NBDY: variants seen among roughly 807,000 people sequenced by gnomAD.
The protein encoded by NBDY is negative regulator of P-body association, also known as P-body dissociating protein.
chrX:56,793,260 C>A (rs1156872903), intron 2 of NBDY, among the ~76,000 whole-genome samples: 4 of 112,221 alleles, frequency 3.6e-5, no homozygotes, highest in Non-Finnish European at 7.5e-5. Flanking sequence ...CCCTGTGATC[C>A]CAGTCCTCCT....
chrX:56,811,036 C>T (rs1271042249), intron 2 of NBDY: 2 of 113,600 alleles, frequency 1.8e-5, no homozygotes, highest in Non-Finnish European at 3.7e-5. Context: ...TGGAGTTTTG[C>T]TGGAGGTCCA....
intron 2 of NBDY, among the ~76,000 whole-genome samples, chrX:56,736,438 G>A (rs1017167336): frequency 3.6e-5 from 4 of 110,120 alleles, no homozygotes; most frequent in Non-Finnish European, 5.7e-5. Flanking sequence ...CCAATTTTCC[G>A]CATCCCTAGT....
intron 2 of NBDY, among the ~76,000 whole-genome samples, chrX:56,789,370 G>A (rs1428622123): frequency 8.9e-6 from 1 of 111,882 alleles, no homozygotes; most frequent in Admixed American, 9.4e-5. Flanking sequence ...TGTACTGGGG[G>A]CAGTATGATG....
intron 2 of NBDY, among the ~76,000 whole-genome samples, chrX:56,764,246 C>G (rs1335291142): frequency 8.9e-6 from 1 of 112,510 alleles, no homozygotes; most frequent in Admixed American, 9.3e-5. Context: ...TCGGGGCCCC[C>G]TTGCCAACAC....
chrX:56,808,921 A>G (rs190286772), intron 2 of NBDY, among the ~76,000 whole-genome samples: 1 of 112,609 alleles, frequency 8.9e-6, no homozygotes, highest in African/African-American at 3.2e-5. Context: ...CCCTCTCCAC[A>G]CTGCTTTAAA....
intron 2 of NBDY, among the ~76,000 whole-genome samples, chrX:56,797,785 C>A: frequency 9.0e-6 from 1 of 111,526 alleles, no homozygotes; most frequent in African/African-American, 3.3e-5. Flanking sequence ...CTCACTCACA[C>A]AAGCAGGAAC....
rs187029176 is a variant in NBDY, at chrX:56,747,327, C to A, written c.*166+15128C>A. On this transcript the variant is annotated intron_variant, in intron 2 of 2. Coordinates refer to ENST00000374922, the MANE Select transcript of NBDY (RefSeq NM_001348129.2). The stretch of plus-strand genomic sequence containing the variant: ...AAGAGAATACAAGAAGGCACATGAG[C>A]AAGACTAGAAGAGCCAGGAATGGCC... Among the ~76,000 whole-genome samples the A allele has an allele frequency of 2.6e-3, 294 of 111,778 alleles. 1 individual carries two copies. The highest frequency in any genetic ancestry group is 9.3e-3 in the Middle Eastern group (2 of 215).
chrX:56,799,432 G>A (rs1461528112), intron 2 of NBDY, among the ~76,000 whole-genome samples: 2 of 113,323 alleles, frequency 1.8e-5, no homozygotes, highest in Admixed American at 9.2e-5. Context: ...CGCCCACTGG[G>A]CTGACTGGTC....
At chrX:56,811,971 T>C (rs987014584) in intron 2 of NBDY, among the ~76,000 whole-genome samples, 1 of 111,134 alleles carries the variant, frequency 9.0e-6, no homozygotes, top group Non-Finnish European at 1.9e-5. Flanking sequence ...GTGCATGGTA[T>C]AGTCCCTAAT....
chrX:56,765,832 T>TTTTTGC (rs1222687458), intron 2 of NBDY, among the ~76,000 whole-genome samples: 2 of 110,601 alleles, frequency 1.8e-5, no homozygotes, highest in Non-Finnish European at 3.8e-5. Context: ...TCTTTTTCTT[T>TTTTTGC]TTTTGCTTTT....
chrX:56,796,383 T>C (rs942689639), intron 2 of NBDY, among the ~76,000 whole-genome samples: 28 of 112,626 alleles, frequency 2.5e-4, no homozygotes, highest in African/African-American at 7.7e-4. Context: ...TGTGTAGTTT[T>C]GGAGGTTTTC....
chrX:56,746,186 A>G (rs1261427841), intron 2 of NBDY, among the ~76,000 whole-genome samples: 2 of 111,260 alleles, frequency 1.8e-5, no homozygotes, highest in Non-Finnish European at 3.8e-5. Flanking sequence ...AATCAACTCA[A>G]TAGGGAATAA....
chrX:56,816,547 C>T (rs953118606), intron 2 of NBDY, among the ~76,000 whole-genome samples: 1 of 111,079 alleles, frequency 9.0e-6, no homozygotes, highest in Non-Finnish European at 1.9e-5. Context: ...TATACTGTAA[C>T]ACGATGCAAT....
At chrX:56,814,236 T>G (rs907865070) in intron 2 of NBDY, among the ~76,000 whole-genome samples, 1 of 110,943 alleles carries the variant, frequency 9.0e-6, no homozygotes, top group African/African-American at 3.3e-5. Context: ...TTGAGTCTTT[T>G]TTTATTGAGT....
chrX:56,742,916 A>G (rs1001654967), intron 2 of NBDY, among the ~76,000 whole-genome samples: 3 of 111,483 alleles, frequency 2.7e-5, no homozygotes, highest in Non-Finnish European at 3.8e-5. Context: ...CTTAGAGGAA[A>G]AGCTTTCAGT....
At chrX:56,781,396 G>A (rs2069688955) in intron 2 of NBDY, among the ~76,000 whole-genome samples, 2 of 111,797 alleles carry the variant, frequency 1.8e-5, no homozygotes, top group Non-Finnish European at 3.8e-5. Context: ...TGGGCAGCAG[G>A]GAACAGGGCA....
intron 2 of NBDY, among the ~76,000 whole-genome samples, chrX:56,735,735 C>G (rs2069485246): frequency 9.0e-6 from 1 of 111,585 alleles, no homozygotes; most frequent in South Asian, 3.8e-4. Flanking sequence ...GAGAGATCTA[C>G]TCAGGAAAAT....
chrX:56,747,904 G>A (rs193285710), intron 2 of NBDY, among the ~76,000 whole-genome samples: 64 of 111,349 alleles, frequency 5.7e-4, no homozygotes, highest in African/African-American at 2.0e-3. Flanking sequence ...AGAACCAGTA[G>A]GAGATATATA....
chrX:56,793,669 G>C (rs1422187654), intron 2 of NBDY, among the ~76,000 whole-genome samples: 3 of 111,038 alleles, frequency 2.7e-5, no homozygotes, highest in Non-Finnish European at 5.7e-5. Context: ...GCACAAAAGA[G>C]ATGGTGGCGT....
Sources: gnomAD v4.1 joint callset for allele counts (sites outside exome capture counted in the v4.1 genomes callset) on GRCh38, gnomAD v4.1.1 for gene constraint, MANE v1.5 for transcripts, NCBI Gene and HGNC (gene_info 2026-07-23, HGNC 2026-07-21) for gene names.